Variants in CCSER1 observed in about 807,000 individuals in gnomAD.
CCSER1 encodes coiled-coil serine rich protein 1.
In CCSER1, 41 loss-of-function variants were observed where a neutral mutation model predicts 82.0. That is an observed-to-expected ratio of 0.50 (90% CI 0.39 to 0.65). The LOEUF (loss-of-function observed/expected upper bound fraction) is 0.65. CCSER1 is among the 30% of genes least tolerant of loss of function. The pLI, the probability that CCSER1 is intolerant of heterozygous loss-of-function variation, is 0.00. For synonymous variants in CCSER1, 414 were observed against 383.9 expected, an observed-to-expected ratio of 1.08 and a Z score of -0.92; for missense variants, 1,119 against 1,064.2, an observed-to-expected ratio of 1.05 and a Z score of -0.72.
At chr4:90,488,939 TAGTC>T (rs1767544015) in intron 5 of CCSER1, among the ~76,000 whole-genome samples, 1 of 152,194 alleles carries the variant, frequency 6.6e-6, no homozygotes, top group Non-Finnish European at 1.5e-5. Context: ...ATTTTGTAGG[TAGTC>T]AGTTCACTAG....
rs572357845 is a variant in CCSER1, at chr4:90,970,181, C to T, written c.2172+46734C>T. On this transcript the variant is annotated intron_variant, in intron 9 of 10. Coordinates refer to ENST00000509176, the MANE Select transcript of CCSER1 (RefSeq NM_001145065.2). ...GAGTGGGTGAATGGATTAAAACACA[C>T]GATCAAACAGTGTGCTTCCTACAAG... Among the ~76,000 whole-genome samples, 15 of 151,844 alleles carry T rather than the reference C, an allele frequency of 9.9e-5. No homozygotes were observed. The South Asian group carries it at 2.5e-3, about 25-fold the overall frequency.
At chr4:90,428,339 G>C (rs906867015) in intron 4 of CCSER1, among the ~76,000 whole-genome samples, 1 of 151,770 alleles carries the variant, frequency 6.6e-6, no homozygotes, top group Non-Finnish European at 1.5e-5. Context: ...AATACATACA[G>C]TTAGACCTTG....
intron 10 of CCSER1, among the ~76,000 whole-genome samples, chr4:91,383,362 C>T (rs545490056): frequency 3.5e-4 from 52 of 148,934 alleles, no homozygotes; most frequent in African/African-American, 1.2e-4. Flanking sequence ...TTTTTTTTTT[C>T]AAAAAGGAGA....
chr4:90,307,094 T>C (rs1257889989), intron 1 of CCSER1, among the ~76,000 whole-genome samples: 1 of 152,164 alleles, frequency 6.6e-6, no homozygotes, highest in Non-Finnish European at 1.5e-5. Context: ...TGCAAGTTGC[T>C]TTTCTGTTGT....
intron 10 of CCSER1, among the ~76,000 whole-genome samples, chr4:91,551,978 T>C (rs559540285): frequency 6.6e-6 from 1 of 151,912 alleles, no homozygotes; most frequent in East Asian, 1.9e-4. Context: ...GTTTGAATTT[T>C]GACAAATTTC....
intron 3 of CCSER1, among the ~76,000 whole-genome samples, chr4:90,392,203 ATATT>A (rs1205652627): frequency 6.6e-6 from 1 of 151,968 alleles, no homozygotes; most frequent in African/African-American, 2.4e-5. Flanking sequence ...CTTAAGTAAT[ATATT>A]TATACTCATC....
intron 8 of CCSER1, among the ~76,000 whole-genome samples, chr4:90,891,380 T>G (rs2150114458): frequency 6.6e-6 from 1 of 151,724 alleles, no homozygotes; most frequent in South Asian, 2.1e-4. Context: ...AACTTTAAAT[T>G]AAAACAATGT....
chr4:90,568,853 T>G (rs898501841), intron 5 of CCSER1, among the ~76,000 whole-genome samples: 17 of 151,406 alleles, frequency 1.1e-4, no homozygotes, highest in African/African-American at 3.4e-4. Flanking sequence ...CTGCAACCTC[T>G]GTCTCCTGGG....
chr4:90,412,967 G>A (rs1284066903), intron 4 of CCSER1, among the ~76,000 whole-genome samples: 1 of 149,108 alleles, frequency 6.7e-6, no homozygotes, highest in Admixed American at 6.6e-5. Context: ...AAGTCAAGCT[G>A]TCAGAAATAA....
intron 6 of CCSER1, among the ~76,000 whole-genome samples, chr4:90,663,290 A>G (rs148740002): frequency 9.9e-5 from 15 of 152,234 alleles, no homozygotes; most frequent in Non-Finnish European, 2.1e-4. Context: ...CACTTTTTTG[A>G]TGAAAAAACT....
intron 9 of CCSER1, among the ~76,000 whole-genome samples, chr4:90,957,711 T>C (rs2150368228): frequency 7.1e-6 from 1 of 139,872 alleles, no homozygotes; most frequent in African/African-American, 2.7e-5. Flanking sequence ...TATATATATA[T>C]ATATATACCC....
chr4:90,168,314 A>G (rs1026158940), intron 1 of CCSER1, among the ~76,000 whole-genome samples: 1 of 151,714 alleles, frequency 6.6e-6, no homozygotes, highest in Non-Finnish European at 1.5e-5. Flanking sequence ...CCACTTTTTG[A>G]TGGGGTTGTT....
At chr4:90,842,793 T>C (rs754984991) in intron 8 of CCSER1, among the ~76,000 whole-genome samples, 32 of 152,184 alleles carry the variant, frequency 2.1e-4, no homozygotes, top group Non-Finnish European at 3.7e-4. Flanking sequence ...AGAACCCTCA[T>C]GGTTAGAGTA....
chr4:90,932,996 G>GAAAGAAAGAAAGAA (rs1453178563), intron 9 of CCSER1, among the ~76,000 whole-genome samples: 1 of 56,062 alleles, frequency 1.8e-5, no homozygotes, highest in Non-Finnish European at 3.2e-5. Context: ...AAGAAAGAAA[G>GAAAGAAAGAAAGAA]AAAGAAAGAA....
At chr4:91,181,819 C>G (rs1388869700) in intron 10 of CCSER1, among the ~76,000 whole-genome samples, 1 of 152,064 alleles carries the variant, frequency 6.6e-6, no homozygotes, top group Non-Finnish European at 1.5e-5. Context: ...CGATATGCCT[C>G]AATTATAGGA....
At chr4:90,318,979 C>G (rs988604537) in intron 3 of CCSER1, among the ~76,000 whole-genome samples, 1 of 152,234 alleles carries the variant, frequency 6.6e-6, no homozygotes, top group African/African-American at 2.4e-5. Flanking sequence ...GTGGGGCATG[C>G]TTCATTTGGA....
At chr4:90,763,122 A>T (rs1750650593) in intron 7 of CCSER1, among the ~76,000 whole-genome samples, 1 of 152,062 alleles carries the variant, frequency 6.6e-6, no homozygotes, top group Non-Finnish European at 1.5e-5. Flanking sequence ...CATTTCTTGT[A>T]CTACCAACCA....
At chr4:91,280,900 C>T (rs181363701) in intron 10 of CCSER1, among the ~76,000 whole-genome samples, 46 of 152,084 alleles carry the variant, frequency 3.0e-4, no homozygotes, top group Admixed American at 2.8e-3. Flanking sequence ...GTTGGTGGGT[C>T]GTTAGGCTCT....
At chr4:91,178,931 G>A (rs1010383681) in intron 10 of CCSER1, among the ~76,000 whole-genome samples, 1 of 152,138 alleles carries the variant, frequency 6.6e-6, no homozygotes, top group African/African-American at 2.4e-5. Context: ...TTTTGCAGTG[G>A]CTGGTACCAG....
Sources: allele counts gnomAD v4.1 joint callset (sites outside exome capture counted in the v4.1 genomes callset), GRCh38; gene constraint gnomAD v4.1.1; transcripts MANE v1.5; gene names NCBI Gene and HGNC (gene_info 2026-07-23, HGNC 2026-07-21).